SLC16A1: variants seen among roughly 807,000 people sequenced by gnomAD.
SLC16A1 encodes the protein monocarboxylate transporter 1.
SLC16A1 carries 11 observed loss-of-function variants against 32.2 expected under a neutral mutation model. The ratio of observed to expected loss-of-function variants is 0.34; its 90% CI spans 0.21 to 0.56. The LOEUF is 0.56. Ranked by LOEUF, SLC16A1 falls within the 20% of genes least tolerant of loss-of-function variation. SLC16A1 has a pLI of 0.87. For synonymous variants in SLC16A1, 231 were observed against 226.8 expected (o/e 1.02, Z -0.17); for missense variants, 435 against 615.0 (o/e 0.71, Z 3.10).
intron 3 of SLC16A1, among the ~76,000 whole-genome samples, chr1:112,919,826 T>G (rs184288554): frequency 1.3e-5 from 2 of 152,236 alleles, no homozygotes; most frequent in Non-Finnish European, 2.9e-5. Context: ...CTACTTAAAG[T>G]TGATTCTTCA....
At chr1:112,931,175 G>A (rs893384800) in intron 1 of SLC16A1, among the ~76,000 whole-genome samples, 1 of 151,908 alleles carries the variant, frequency 6.6e-6, no homozygotes, top group African/African-American at 2.4e-5. Context: ...CAAAAAAAAA[G>A]ATAATTCTGA....
chr1:112,952,864 A>G (rs1482046102), intron 1 of SLC16A1, among the ~76,000 whole-genome samples: 1 of 152,212 alleles, frequency 6.6e-6, no homozygotes, highest in African/African-American at 2.4e-5. Context: ...TAGTGTCCCT[A>G]TTGGTTAAAT....
In SLC16A1 at chr1:112,913,833, A is replaced by G. The variant is rs1435111517; in HGVS notation, c.*58T>C. The G allele has an allele frequency of 6.3e-7, 1 of 1,599,068 alleles. No individual in the cohort carries two copies. On this transcript the variant is annotated 3_prime_UTR_variant, in exon 5 of 5. Transcript: ENST00000369626. Reference sequence around the variant, plus strand: ...CCACTGGTAGATTACAGGCCAGTAGAATATTTTCAGATATCCTGGGTCATG... The same window carrying G: ...CCACTGGTAGATTACAGGCCAGTAGGATATTTTCAGATATCCTGGGTCATG...
intron 2 of SLC16A1, among the ~76,000 whole-genome samples, chr1:112,927,715 T>C (rs1306879160): frequency 6.6e-6 from 1 of 152,210 alleles, no homozygotes; most frequent in African/African-American, 2.4e-5. Flanking sequence ...ATCTCACTAA[T>C]TGAGTAAGGA....
intron 3 of SLC16A1, 54 bp from the exon 4 acceptor site, chr1:112,918,098 AAAT>A (rs869248342): frequency 2.6e-5 from 27 of 1,052,000 alleles, no homozygotes; most frequent in East Asian, 3.7e-5. Flanking sequence ...ATAAATAAAT[AAAT>A]AATAAGAGGT....
intron 1 of SLC16A1, among the ~76,000 whole-genome samples, chr1:112,950,220 C>G (rs768027818): frequency 3.9e-5 from 6 of 152,096 alleles, no homozygotes; most frequent in Non-Finnish European, 8.8e-5. Flanking sequence ...ATGCAGACCC[C>G]AGGATAAAAA....
At position 112,913,552 on chromosome 1, in the gene SLC16A1, C is replaced by A; in HGVS notation, c.*339G>T. ...ACACAACACTCGAAATAGATGAATT[C>A]AGCAAAAATGGTTTAAGAAGTTAAG... On this transcript the variant is annotated 3_prime_UTR_variant, in exon 5 of 5. Transcript: ENST00000369626. 4.0e-6 allele frequency: 1 copy of A among 246,932 alleles called. No individual in the cohort carries two copies. The highest frequency in any genetic ancestry group is 7.9e-6 in the Non-Finnish European group (1 of 126,672). 15.3% of individuals were successfully genotyped at this position (246,932 alleles called of 1,614,324 possible).
At chr1:112,923,750 G>A in intron 2 of SLC16A1, 2 of 1,523,696 alleles carry the variant, frequency 1.3e-6, no homozygotes, top group South Asian at 1.1e-5. Context: ...TGCACCAGGA[G>A]GGCAAGTTCC....
At chr1:112,942,011 G>A (rs1649529246) in intron 1 of SLC16A1, among the ~76,000 whole-genome samples, 1 of 151,638 alleles carries the variant, frequency 6.6e-6, no homozygotes, top group Non-Finnish European at 1.5e-5. Context: ...ACTCTTGGTT[G>A]CCCAGGCTAG....
Position 112,914,100 on chromosome 1 carries a change from T to A in SLC16A1, c.1294A>T (p.Ile432Phe). Reference sequence around the variant, plus strand: ...CCAATGAAGAGATAGATACCTGAAATAATTAGGACGACGCCACATGCCCAG... The same window carrying A: ...CCAATGAAGAGATAGATACCTGAAAAAATTAGGACGACGCCACATGCCCAG... ...TYWACGVVLIISGIYLFIGMG... is the reference protein window; with the variant it reads ...TYWACGVVLIFSGIYLFIGMG... Residue 432 changes from isoleucine to phenylalanine, a missense_variant, in exon 5 of 5, where the codon ATT (isoleucine) becomes TTT (phenylalanine). This residue lies in a region of SLC16A1 where 111 missense variants were observed against 114.7 expected (regional missense o/e 0.97). Coordinates refer to ENST00000369626, the MANE Select transcript of SLC16A1 (RefSeq NM_003051.4). 1 of 1,614,244 alleles carries A rather than the reference T, an allele frequency of 6.2e-7. No homozygotes were observed. The highest frequency in any genetic ancestry group is 8.5e-7 in the Non-Finnish European group (1 of 1,180,044).
At chr1:112,916,453 G>A (rs1272584369) in intron 4 of SLC16A1, among the ~76,000 whole-genome samples, 5 of 138,722 alleles carry the variant, frequency 3.6e-5, no homozygotes, top group East Asian at 4.3e-4. Flanking sequence ...AGCCGAGATC[G>A]CGCCATTGCA....
chr1:112,924,937 ATAT>A (rs1648886059), intron 2 of SLC16A1, among the ~76,000 whole-genome samples: 1 of 152,188 alleles, frequency 6.6e-6, no homozygotes, highest in Non-Finnish European at 1.5e-5. Flanking sequence ...TTCCATGCCT[ATAT>A]TATTAAGTTT....
intron 1 of SLC16A1, among the ~76,000 whole-genome samples, chr1:112,938,148 A>T (rs1456621355): frequency 6.6e-6 from 1 of 152,232 alleles, no homozygotes; most frequent in Non-Finnish European, 1.5e-5. Context: ...GACAATGACC[A>T]GTTTGTGAAC....
At chr1:112,946,449 A>G (rs1414326546) in intron 1 of SLC16A1, among the ~76,000 whole-genome samples, 2 of 151,878 alleles carry the variant, frequency 1.3e-5, no homozygotes, top group Admixed American at 1.3e-4. Context: ...AGAAGTAGAG[A>G]AAAATATGAA....
At chr1:112,929,030 C>G (rs1649033632) in intron 2 of SLC16A1, 62 bp downstream of exon 2, 3 of 1,160,854 alleles carry the variant, frequency 2.6e-6, no homozygotes, top group Non-Finnish European at 3.8e-6. Context: ...TTAAAGTTAC[C>G]TAATACAGAC....
chr1:112,924,365 C>T (rs1246274886), intron 2 of SLC16A1: 1 of 1,249,626 alleles, frequency 8.0e-7, no homozygotes, highest in Non-Finnish European at 1.2e-6. Context: ...TCTCAGGTTG[C>T]CCAAGGCTCT....
chr1:112,942,289 C>T (rs929001020), intron 1 of SLC16A1, among the ~76,000 whole-genome samples: 6 of 152,140 alleles, frequency 3.9e-5, no homozygotes, highest in African/African-American at 7.2e-5. Context: ...CACTTTTCTA[C>T]CTTGTGAATG....
In SLC16A1 at chr1:112,913,462, T is replaced by C. The variant is rs1261523700; in HGVS notation, c.*429A>G. ...GTCTGAAATATATTACATGTAACAA[T>C]GAAGCAAGATTAATTTTAAATTTTA... On this transcript the variant is annotated 3_prime_UTR_variant, in exon 5 of 5. Transcript: ENST00000369626. 4 of 171,616 alleles carry C rather than the reference T, an allele frequency of 2.3e-5. No individual in the cohort carries two copies. The highest frequency in any genetic ancestry group is 3.8e-5 in the Non-Finnish European group (3 of 78,860). The allele number at this position is 171,616 out of a possible 1,614,324, so 10.6% of individuals were successfully genotyped here.
In SLC16A1 at chr1:112,922,038, A is replaced by T; in HGVS notation, c.313T>A (p.Phe105Ile). 1 of 1,614,216 alleles carries T rather than the reference A, an allele frequency of 6.2e-7. No homozygotes were observed. Residue 105 changes from phenylalanine (F) to isoleucine (I), a missense_variant, in exon 3 of 5, where the codon TTC becomes ATC. Coordinates refer to ENST00000369626, the MANE Select transcript of SLC16A1 (RefSeq NM_003051.4). ...TATAGTTGCTGTACGGTGTTACAGA[A>T]AGAAGCTGCAATCAAGCCACAGCCT... ...LSGCGLIAAS[F>I]CNTVQQLYVC...
Sources: gnomAD v4.1 joint callset for allele counts (sites outside exome capture counted in the v4.1 genomes callset) on GRCh38, gnomAD v4.1.1 for gene constraint, gnomAD v4.1.1 regional missense constraint, MANE v1.5 for transcripts, NCBI Gene and HGNC (gene_info 2026-07-23, HGNC 2026-07-21) for gene names.